The following CDH18 variants were observed in gnomAD, a reference collection of about 807,000 sequenced individuals.
CDH18 encodes the protein cadherin 18.
Under a neutral mutation model 67.9 loss-of-function variants are expected in CDH18, and 31 were observed. That is an observed-to-expected ratio of 0.46 (90% CI 0.34 to 0.62). CDH18 has a LOEUF of 0.62. Among genes scored for constraint, CDH18 ranks in the 20% least tolerant of loss-of-function variants. The pLI is 0.01. For synonymous variants in CDH18, 362 were observed against 347.2 expected, an observed-to-expected ratio of 1.04 and a Z score of -0.48; for missense variants, 890 against 975.5, an observed-to-expected ratio of 0.91 and a Z score of 1.17.
intron 2 of CDH18, among the ~76,000 whole-genome samples, chr5:20,196,419 G>C (rs1340903405): frequency 6.6e-6 from 1 of 152,098 alleles, no homozygotes; most frequent in African/African-American, 2.4e-5. Flanking sequence ...GCTAATATGT[G>C]AGGGATCCAG....
At chr5:19,766,923 T>C (rs1203081635) in intron 3 of CDH18, among the ~76,000 whole-genome samples, 4 of 152,152 alleles carry the variant, frequency 2.6e-5, no homozygotes, top group African/African-American at 4.8e-5. Flanking sequence ...AAAGGTTTCA[T>C]CTTTCCAACT....
intron 3 of CDH18, among the ~76,000 whole-genome samples, chr5:19,815,338 A>G (rs1779172807): frequency 6.6e-6 from 1 of 151,990 alleles, no homozygotes; most frequent in Non-Finnish European, 1.5e-5. Flanking sequence ...ATTTCAAGGA[A>G]GCTATGAAAA....
chr5:19,994,855 T>TATAGAGAGAGAGAGAGAGAGAGAG (rs760777430), intron 2 of CDH18, among the ~76,000 whole-genome samples: 4 of 67,586 alleles, frequency 5.9e-5, no homozygotes, highest in South Asian at 5.8e-4. Context: ...TATATATATA[T>TATAGAGAGAGAGAGAGAGAGAGAG]AGAGAGAGAG....
chr5:19,603,449 CACA>C (rs1001096658), intron 6 of CDH18, among the ~76,000 whole-genome samples: 14 of 151,912 alleles, frequency 9.2e-5, no homozygotes, highest in African/African-American at 3.4e-4. Flanking sequence ...CCATTGGTTG[CACA>C]ACAATATGAA....
At chr5:20,321,894 T>C (rs1020124699) in intron 1 of CDH18, among the ~76,000 whole-genome samples, 5 of 152,184 alleles carry the variant, frequency 3.3e-5, no homozygotes, top group African/African-American at 4.8e-5. Flanking sequence ...CTTCCTAACA[T>C]GAGCAGAGCA....
chr5:20,022,907 A>G (rs1008764365), intron 2 of CDH18, among the ~76,000 whole-genome samples: 4 of 152,182 alleles, frequency 2.6e-5, no homozygotes. Flanking sequence ...ATTTTTATAG[A>G]GCATATATTA....
At chr5:20,401,597 A>G (rs1483198090) in intron 1 of CDH18, among the ~76,000 whole-genome samples, 1 of 152,168 alleles carries the variant, frequency 6.6e-6, no homozygotes, top group Non-Finnish European at 1.5e-5. Flanking sequence ...CACATAAAGA[A>G]ACCACACACT....
At chr5:19,646,934 A>G (rs1225891430) in intron 5 of CDH18, among the ~76,000 whole-genome samples, 1 of 152,216 alleles carries the variant, frequency 6.6e-6, no homozygotes, top group Admixed American at 6.5e-5. Context: ...ACTGAAAAAT[A>G]ATGACCGTTC....
intron 3 of CDH18, among the ~76,000 whole-genome samples, chr5:19,829,220 G>C (rs979834903): frequency 4.6e-5 from 7 of 152,014 alleles, no homozygotes; most frequent in African/African-American, 1.7e-4. Flanking sequence ...ACAGCATTCA[G>C]GCAAGAGAAA....
At chr5:20,330,400 T>A (rs1037721166) in intron 1 of CDH18, among the ~76,000 whole-genome samples, 2 of 152,090 alleles carry the variant, frequency 1.3e-5, no homozygotes, top group African/African-American at 4.8e-5. Context: ...AGGAGGTTGT[T>A]AAACTGGCTC....
intron 12 of CDH18, among the ~76,000 whole-genome samples, chr5:19,474,761 G>A (rs1738157054): frequency 6.6e-6 from 1 of 152,078 alleles, no homozygotes; most frequent in African/African-American, 2.4e-5. Flanking sequence ...AACTGGACAT[G>A]TGCCTTAGGA....
chr5:20,235,317 G>T (rs947642912), intron 2 of CDH18, among the ~76,000 whole-genome samples: 4 of 151,982 alleles, frequency 2.6e-5, no homozygotes, highest in African/African-American at 9.7e-5. Flanking sequence ...GACAGCAAAA[G>T]AAACTATCAA....
intron 2 of CDH18, among the ~76,000 whole-genome samples, chr5:19,843,673 T>C (rs1782600000): frequency 6.6e-6 from 1 of 152,160 alleles, no homozygotes; most frequent in Admixed American, 6.5e-5. Flanking sequence ...CAGCTTGCAC[T>C]GTGCATCAAA....
rs183572599 is a variant in CDH18 at position 19,874,894 on chromosome 5, C to T, written c.-256-35652G>A. 3.7e-4 allele frequency among the ~76,000 whole-genome samples: 57 copies of T among 152,190 alleles called. No individual in the cohort carries two copies. In the East Asian group the frequency reaches 9.5e-3, roughly 25 times the overall value. On this transcript the variant is annotated intron_variant, in intron 2 of 12. Coordinates refer to ENST00000382275, the MANE Select transcript of CDH18 (RefSeq NM_004934.5). ...AATGCTCAGGATGGAGCAGAGGTAG[C>T]GGGGAGCATATTCTGTCACACACCA...
chr5:19,744,844 G>C (rs1769766772), intron 4 of CDH18, among the ~76,000 whole-genome samples: 1 of 151,982 alleles, frequency 6.6e-6, no homozygotes, highest in African/African-American at 2.4e-5. Flanking sequence ...TTAAAAATCT[G>C]AATGTTTTTA....
At chr5:20,542,279 G>T (rs1227198891) in intron 1 of CDH18, among the ~76,000 whole-genome samples, 2 of 151,908 alleles carry the variant, frequency 1.3e-5, no homozygotes, top group South Asian at 2.1e-4. Context: ...AGAAAGAGGA[G>T]AAGGGATAAA....
intron 2 of CDH18, among the ~76,000 whole-genome samples, chr5:20,022,286 T>C (rs945818101): frequency 6.6e-6 from 1 of 152,114 alleles, no homozygotes; most frequent in Non-Finnish European, 1.5e-5. Flanking sequence ...CCAATGGAAA[T>C]AATAAGGAAG....
intron 10 of CDH18, among the ~76,000 whole-genome samples, chr5:19,519,144 T>C (rs1262307205): frequency 6.6e-6 from 1 of 152,152 alleles, no homozygotes; most frequent in Non-Finnish European, 1.5e-5. Context: ...GTAGCCCAAT[T>C]TGTTACTCAT....
At chr5:20,063,383 T>A (rs181114922) in intron 2 of CDH18, among the ~76,000 whole-genome samples, 1 of 152,118 alleles carries the variant, frequency 6.6e-6, no homozygotes, top group Non-Finnish European at 1.5e-5. Context: ...ATTTCAAGAA[T>A]TAACAGTTTT....
Sources: gnomAD v4.1 joint callset for allele counts (sites outside exome capture counted in the v4.1 genomes callset) on GRCh38, gnomAD v4.1.1 for gene constraint, MANE v1.5 for transcripts, NCBI Gene and HGNC (gene_info 2026-07-23, HGNC 2026-07-21) for gene names.